Variants in ANO4 observed in about 807,000 individuals in gnomAD.
ANO4 encodes anoctamin 4.
ANO4 carries 69 observed loss-of-function variants against 141.9 expected under a neutral mutation model. That is an observed-to-expected ratio of 0.49 (90% confidence interval 0.40 to 0.59). The LOEUF (loss-of-function observed/expected upper bound fraction) is 0.59. ANO4 is among the 20% of genes least tolerant of loss of function. ANO4 has a pLI of 0.00. For synonymous variants in ANO4, 350 were observed against 394.3 expected (o/e 0.89, Z 1.33); for missense variants, 894 against 1,162.2 (o/e 0.77, Z 3.36).
intron 3 of ANO4, among the ~76,000 whole-genome samples, chr12:100,762,634 T>C (rs2032915569): frequency 6.6e-6 from 1 of 152,138 alleles, no homozygotes; most frequent in African/African-American, 2.4e-5. Context: ...GATGATACTG[T>C]AGTCAAAGGA....
At chr12:100,888,534 G>A (rs2039949630) in intron 1 of ANO4, among the ~76,000 whole-genome samples, 1 of 152,262 alleles carries the variant, frequency 6.6e-6, no homozygotes, top group Admixed American at 6.5e-5. Context: ...GCCCTCACAA[G>A]TATTCACACA....
intron 19 of ANO4, 56 bp from the exon 20 acceptor site, chr12:101,097,595 T>G: frequency 1.3e-6 from 2 of 1,510,830 alleles, no homozygotes; most frequent in South Asian, 2.3e-5. Context: ...AATGTAATAT[T>G]CGCTGAAAGC....
At chr12:100,788,253 A>G (rs1195369637) in intron 3 of ANO4, among the ~76,000 whole-genome samples, 1 of 152,230 alleles carries the variant, frequency 6.6e-6, no homozygotes, top group Non-Finnish European at 1.5e-5. Context: ...AAGTCTTCCC[A>G]GGATAGACTT....
At chr12:100,914,666 G>A (rs1202076197) in intron 2 of ANO4, among the ~76,000 whole-genome samples, 1 of 151,982 alleles carries the variant, frequency 6.6e-6, no homozygotes, top group African/African-American at 2.4e-5. Context: ...AGAACCAGTA[G>A]CATTTCCTAC....
At chr12:101,015,290 G>A (rs1317148947) in intron 8 of ANO4, among the ~76,000 whole-genome samples, 2 of 152,132 alleles carry the variant, frequency 1.3e-5, no homozygotes, top group Non-Finnish European at 2.9e-5. Context: ...TTCTGTGCAT[G>A]CACAAGCAAA....
At chr12:100,923,180 A>G (rs2041706659) in intron 3 of ANO4, among the ~76,000 whole-genome samples, 1 of 152,072 alleles carries the variant, frequency 6.6e-6, no homozygotes, top group African/African-American at 2.4e-5. Context: ...GTACGTGTGA[A>G]CAACGTACAG....
At chr12:100,804,170 G>A (rs2034858433) in intron 1 of ANO4, among the ~76,000 whole-genome samples, 1 of 152,020 alleles carries the variant, frequency 6.6e-6, no homozygotes, top group Admixed American at 6.6e-5. Flanking sequence ...TCTCATCATT[G>A]AGCTCCCACT....
At chr12:100,732,156 A>G (rs780977905) in intron 1 of ANO4, among the ~76,000 whole-genome samples, 1 of 152,214 alleles carries the variant, frequency 6.6e-6, no homozygotes, top group Non-Finnish European at 1.5e-5. Context: ...TAGTTTTGTA[A>G]TAAATTGCCA....
Position 100,765,715 on chromosome 12 carries a change from A to G in ANO4, c.358+25610A>G, listed in dbSNP as rs921983441. On this transcript the variant is annotated intron_variant, in intron 3 of 29. Transcript: ENST00000644049. ...CAAAAAAAAAAAAAAGAGTTCTTAG[A>G]TTGATCTTTTCTATTTTTAAATTTA... Among the ~76,000 whole-genome samples the G allele has an allele frequency of 2.1e-4, 32 of 151,054 alleles. 1 individual carries two copies. Among genetic ancestry groups the G allele is most frequent in the Middle Eastern group, 3.5e-3 (1 of 288 alleles).
chr12:100,968,185 T>A (rs987760110), intron 5 of ANO4, among the ~76,000 whole-genome samples: 1 of 152,180 alleles, frequency 6.6e-6, no homozygotes, highest in African/African-American at 2.4e-5. Context: ...ATGCATAAAA[T>A]GGTTGAGATC....
chr12:100,878,797 CGAAGA>C (rs1431587802), intron 1 of ANO4, among the ~76,000 whole-genome samples: 1 of 152,062 alleles, frequency 6.6e-6, no homozygotes, highest in Non-Finnish European at 1.5e-5. Flanking sequence ...TTTCAAAAAG[CGAAGA>C]GAATTCTTTA....
At chr12:100,818,361 T>C (rs1234386125) in intron 1 of ANO4, among the ~76,000 whole-genome samples, 1 of 151,812 alleles carries the variant, frequency 6.6e-6, no homozygotes, top group Non-Finnish European at 1.5e-5. Flanking sequence ...ATAAAGGGAA[T>C]GGAGATTGTT....
chr12:100,808,159 T>A (rs2035178702), intron 1 of ANO4, among the ~76,000 whole-genome samples: 1 of 152,204 alleles, frequency 6.6e-6, no homozygotes, highest in South Asian at 2.1e-4. Flanking sequence ...CCATAATGTC[T>A]GAACTAATTG....
chr12:101,003,712 A>G (rs1200405069), intron 8 of ANO4, among the ~76,000 whole-genome samples: 1 of 152,138 alleles, frequency 6.6e-6, no homozygotes, highest in Non-Finnish European at 1.5e-5. Flanking sequence ...CTGGTGATCT[A>G]TTGTATAGTA....
At chr12:100,839,292 G>A (rs2037113223) in intron 1 of ANO4, among the ~76,000 whole-genome samples, 1 of 152,132 alleles carries the variant, frequency 6.6e-6, no homozygotes, top group South Asian at 2.1e-4. Flanking sequence ...AGGAGATGCT[G>A]TAGTACCTCC....
chr12:101,120,489 T>A (rs780560244), intron 25 of ANO4, 31 bp from the exon 26 acceptor site: 2 of 1,573,774 alleles, frequency 1.3e-6, no homozygotes, highest in South Asian at 2.2e-5. Context: ...AAATCATAGT[T>A]TGAATGCAAC....
chr12:100,860,567 C>A (rs2038416966), intron 1 of ANO4, among the ~76,000 whole-genome samples: 1 of 152,130 alleles, frequency 6.6e-6, no homozygotes, highest in Non-Finnish European at 1.5e-5. Context: ...AATTTAGATT[C>A]TCTAAATGGA....
chr12:100,854,127 T>C (rs1251921535), intron 1 of ANO4, among the ~76,000 whole-genome samples: 1 of 152,186 alleles, frequency 6.6e-6, no homozygotes, highest in Non-Finnish European at 1.5e-5. Context: ...GCTTCATTCA[T>C]GAATATAGTG....
At position 100,807,926 on chromosome 12, in the gene ANO4, C is replaced by T. The variant is rs565394324; in HGVS notation, c.-141+12899C>T. On this transcript the variant is annotated intron_variant, in intron 1 of 27. Coordinates refer to ENST00000392977, the MANE Select transcript of ANO4 (RefSeq NM_001286615.2). ...CTTTTTATGGCTGCATAATATTCCA[C>T]GGTATATATGTACCACATCTTCTTT... Among the ~76,000 whole-genome samples the T allele has an allele frequency of 3.9e-5, 6 of 152,172 alleles. No individual in the cohort carries two copies. The South Asian group carries it at 6.2e-4, about 16-fold the overall frequency.
Sources: gnomAD v4.1 joint callset for allele counts (sites outside exome capture counted in the v4.1 genomes callset) on GRCh38, gnomAD v4.1.1 for gene constraint, MANE v1.5 for transcripts, NCBI Gene and HGNC (gene_info 2026-07-23, HGNC 2026-07-21) for gene names.